Variants in TNXB observed in about 807,000 individuals in gnomAD.
TNXB encodes the protein tenascin-X.
TNXB carries 183 observed loss-of-function variants against 340.5 expected under a neutral mutation model. That is an observed-to-expected ratio of 0.54 (90% CI 0.48 to 0.61). The LOEUF is 0.61. Among genes scored for constraint, TNXB ranks in the 20% least tolerant of loss-of-function variants. TNXB has a pLI of 0.00. For synonymous variants in TNXB, 2,121 were observed against 2,314.5 expected (o/e 0.92, Z 2.40); for missense variants, 4,613 against 5,446.4 (o/e 0.85, Z 4.82).
At position 32,064,917 on chromosome 6, in the gene TNXB, T is replaced by G; in HGVS notation, c.6745A>C (p.Ile2249Leu). The G allele has an allele frequency of 4.3e-6, 7 of 1,612,840 alleles. No individual in the cohort carries two copies. The highest frequency in any genetic ancestry group is 5.9e-6 in the Non-Finnish European group (7 of 1,179,896). Residue 2249 changes from isoleucine (I) to leucine (L), a missense_variant, in exon 19 of 44, where the codon ATC becomes CTC. Ile to Leu is a conservative substitution (Grantham distance 5). Around this residue, in one of 7 missense-constraint regions of TNXB, gnomAD observed 4,327 missense variants for 4,859.4 expected, o/e 0.89. Transcript: ENST00000644971. This position sits in a 1 kb window ranked among gnomAD's most constrained non-coding sequence, Gnocchi z 5.3. Reference protein sequence around the residue: ...RVPGHEDGVTISGLEPDHKYK... With the variant: ...RVPGHEDGVTLSGLEPDHKYK... ...TTGTGGTCTGGCTCCAGGCCCGAGATGGTGACCCCATCCTCGTGTCCCGGC... is the reference window on the plus strand; with the variant it reads ...TTGTGGTCTGGCTCCAGGCCCGAGAGGGTGACCCCATCCTCGTGTCCCGGC...
intron 1 of TNXB, among the ~76,000 whole-genome samples, chr6:32,104,541 C>CT (rs917366576): frequency 2.0e-5 from 3 of 152,242 alleles, no homozygotes; most frequent in Non-Finnish European, 4.4e-5. Flanking sequence ...ATAAACATCT[C>CT]TTTAATTCAT....
Position 32,082,036 on chromosome 6 carries a change from C to T in TNXB, c.3736G>A (p.Ala1246Thr), listed in dbSNP as rs1303665712. Residue 1246 changes from alanine to threonine, a missense_variant and splice_region_variant, in exon 9 of 44, where the codon GCT becomes ACT. Ala to Thr is a moderately conservative substitution (Grantham distance 58, BLOSUM62 0). Transcript: ENST00000644971. The surrounding 1 kb of genome is among the most constrained non-coding windows in gnomAD (Gnocchi z 5.0). ...YGPLTADGTTAPERKEEPPRP... is the reference protein window; with the variant it reads ...YGPLTADGTTTPERKEEPPRP... ...GGGGGCTGAGGTGGCTGCTACTCAC[C>T]AGTGGTGCCATCGGCCGTGAGGGGG... is the stretch of plus-strand genomic sequence containing the variant. The T allele has an allele frequency of 6.2e-7, 1 of 1,601,018 alleles. No homozygotes were observed. The highest frequency in any genetic ancestry group is 8.5e-7 in the Non-Finnish European group (1 of 1,174,286).
Position 32,049,170 on chromosome 6 carries a change from A to T in TNXB, c.9757+100T>A. ...TTAGCAACATGGGAGAAAAGACAGA[A>T]ACCTAGAGGCCCAGTCAAAAGAGGT... On this transcript the variant is annotated intron_variant, in intron 28 of 43. Transcript: ENST00000644971. This position sits in a 1 kb window ranked among gnomAD's most constrained non-coding sequence, Gnocchi z 4.5. 37 of 1,428,116 alleles carry T rather than the reference A, an allele frequency of 2.6e-5. No homozygotes were observed. The highest frequency in any genetic ancestry group is 3.4e-5 in the Non-Finnish European group (37 of 1,082,454). The allele number at this position is 1,428,116 out of a possible 1,614,324, so 88.5% of individuals were successfully genotyped here. A position where few individuals can be genotyped will look rare whatever the true frequency, so the allele number is the denominator to read the frequency against.
At chr6:32,100,900 T>C (rs947894271) in intron 1 of TNXB, among the ~76,000 whole-genome samples, 2 of 150,724 alleles carry the variant, frequency 1.3e-5, no homozygotes, top group Non-Finnish European at 3.0e-5. Flanking sequence ...GCCAACATGG[T>C]GAAACCCCAT....
intron 18 of TNXB, among the ~76,000 whole-genome samples, chr6:32,066,299 T>C (rs1778333071): frequency 6.6e-6 from 1 of 151,996 alleles, no homozygotes; most frequent in Non-Finnish European, 1.5e-5. Flanking sequence ...GGGGCTGAGA[T>C]GGGAGGATGG....
In TNXB at chr6:32,051,265, C is replaced by G. The variant is rs1215630349; in HGVS notation, c.9116-944G>C. Among the ~76,000 whole-genome samples, 3 of 152,180 alleles carry G rather than the reference C, an allele frequency of 2.0e-5. No individual in the cohort carries two copies. The highest frequency in any genetic ancestry group is 4.4e-5 in the Non-Finnish European group (3 of 68,028). ...CTGGGCTTCTTGTCACATGCTCACC[C>G]GCCTTTGCTTTCTTACTGGTCCACA... On this transcript the variant is annotated intron_variant, in intron 26 of 43. Transcript: ENST00000644971. The surrounding 1 kb of genome is among the most constrained non-coding windows in gnomAD (Gnocchi z 4.7).
Position 32,062,579 on chromosome 6 carries a change from C to T in TNXB, c.6842-96G>A, listed in dbSNP as rs1778098655. ...CTTAGACACACCAAGGGCCCACAGT[C>T]TGGATGCTGGTGCCCCAAGCTTAGA... On this transcript the variant is annotated intron_variant, in intron 19 of 43. Transcript: ENST00000644971. The surrounding 1 kb of genome is among the most constrained non-coding windows in gnomAD (Gnocchi z 4.3). The T allele has an allele frequency of 8.5e-7, 1 of 1,171,426 alleles. No homozygotes were observed. The highest frequency in any genetic ancestry group is 1.2e-6 in the Non-Finnish European group (1 of 850,966). 72.6% of individuals were successfully genotyped at this position (1,171,426 alleles called of 1,614,324 possible).
In TNXB at chr6:32,046,246, T is replaced by G. The variant is rs756246872; in HGVS notation, c.10535A>C (p.Lys3512Thr). The change falls in exon 31 of 44, where the codon AAA (lysine) becomes ACA (threonine). Residue 3512 changes from lysine to threonine, a missense_variant. Coordinates refer to ENST00000644971, the MANE Select transcript of TNXB (RefSeq NM_001365276.2). This position sits in a 1 kb window ranked among gnomAD's most constrained non-coding sequence, Gnocchi z 6.9. Reference protein sequence around the residue: ...VTVEDLEPGKKYKFLLYGLLG... With the variant: ...VTVEDLEPGKTYKFLLYGLLG... ...GAGCCCGTAGAGCAGAAACTTGTAT[T>G]TCTTGCCAGGCTCCAGGTCCTCTAC... 6 of 1,605,256 alleles carry G rather than the reference T, an allele frequency of 3.7e-6. No individual in the cohort carries two copies. The highest frequency in any genetic ancestry group is 1.3e-5 in the African/African-American group (1 of 75,032).
At chr6:32,063,194 C>G (rs1040196803) in intron 19 of TNXB, among the ~76,000 whole-genome samples, 3 of 152,150 alleles carry the variant, frequency 2.0e-5, no homozygotes, top group African/African-American at 7.2e-5. Context: ...TTGAGACCAG[C>G]CTGGCCAACA....
In TNXB at chr6:32,070,408, C is replaced by T. The variant is rs560985106; in HGVS notation, c.4997G>A (p.Arg1666Gln). The T allele has an allele frequency of 1.9e-5, 30 of 1,587,638 alleles. 1 individual carries two copies. The Admixed American group carries it at 2.6e-4, about 14-fold the overall frequency. ...TGGGGCCCCTGGGCTGGCGTCACCTCGGGCAACTGGAGAGGAAAGGTTCTT... is the reference window on the plus strand; with the variant it reads ...TGGGGCCCCTGGGCTGGCGTCACCTTGGGCAACTGGAGAGGAAAGGTTCTT... ...PVSVEAKTVA[R>Q]GDASPGAPPR... Residue 1666 changes from arginine (R) to glutamine (Q), a missense_variant, in exon 14 of 44, where the codon CGA becomes CAA. Transcript: ENST00000644971. The surrounding 1 kb of genome is among the most constrained non-coding windows in gnomAD (Gnocchi z 6.0).
intron 21 of TNXB, among the ~76,000 whole-genome samples, chr6:32,060,696 A>G (rs1777954005): frequency 6.6e-6 from 1 of 151,868 alleles, no homozygotes; most frequent in African/African-American, 2.4e-5. Context: ...GCTGGAGTGC[A>G]GTGGTGATCT....
chr6:32,057,789 G>C (rs1562806962), intron 22 of TNXB, among the ~76,000 whole-genome samples: 1 of 152,168 alleles, frequency 6.6e-6, no homozygotes, highest in Non-Finnish European at 1.5e-5. Context: ...CTCAGGTCCT[G>C]GCTGTCCCCT....
At position 32,068,366 on chromosome 6, in the gene TNXB, C is replaced by G; in HGVS notation, c.6220+24G>C. ...GGGTGACCCTCCCATGGCTCCCACCCTGGGGCTCCCATCATCCACTCACCT... is the reference window on the plus strand; with the variant it reads ...GGGTGACCCTCCCATGGCTCCCACCGTGGGGCTCCCATCATCCACTCACCT... On this transcript the variant is annotated intron_variant, in intron 17 of 43. Coordinates refer to ENST00000644971, the MANE Select transcript of TNXB (RefSeq NM_001365276.2). The surrounding 1 kb of genome is among the most constrained non-coding windows in gnomAD (Gnocchi z 5.3). The G allele has an allele frequency of 6.2e-7, 1 of 1,610,332 alleles. No individual in the cohort carries two copies.
chr6:32,065,530 C>A (rs1055623828), intron 18 of TNXB, among the ~76,000 whole-genome samples: 2 of 152,198 alleles, frequency 1.3e-5, no homozygotes, highest in African/African-American at 2.4e-5. Flanking sequence ...ATGAGACACT[C>A]GGGAGACTGT....
intron 24 of TNXB, among the ~76,000 whole-genome samples, chr6:32,054,437 CAACT>C (rs1171428844): frequency 1.1e-4 from 17 of 152,216 alleles, no homozygotes; most frequent in Admixed American, 3.3e-4. Context: ...GATGATCCAC[CAACT>C]GCAAAGGACA....
Position 32,096,199 on chromosome 6 carries a change from C to A in TNXB, c.1654G>T (p.Glu552Ter). ...VCVCDAGYSG[E>*]DCSTRSCPGG... ...GGGCAGCTGCGCGTGCTGCAGTCTT[C>A]CCCTGAGTAGCCTGCGTCACACACG... The change falls in exon 3 of 44, where the codon GAA becomes TAA. Residue 552 changes from glutamate (E) to a stop codon, truncating the protein, a stop_gained. Transcript: ENST00000644971. LOFTEE classifies it high-confidence loss of function. 6.4e-7 allele frequency: 1 copy of A among 1,568,152 alleles called. No individual in the cohort carries two copies. Among genetic ancestry groups the A allele is most frequent in the Non-Finnish European group, 8.6e-7 (1 of 1,159,602 alleles).
intron 32 of TNXB, 77 bp from the exon 33 acceptor site, chr6:32,044,793 AC>A: frequency 1.0e-5 from 6 of 583,024 alleles, no homozygotes; most frequent in Non-Finnish European, 6.0e-6. Flanking sequence ...CGTCCCTTCC[AC>A]CCCCCTCCCT....
chr6:32,058,133 G>A lies in TNXB; in HGVS notation c.7750C>T (p.Arg2584Cys), dbSNP rs201690494. ...CCGTACAGGTGCATCTTGTACTTGC[G>A]CCCAGGCTCCAGGCCCCTCACAGTG... The part of the protein sequence containing the change: ...KVTVRGLEPG[R>C]KYKMHLYGLH... Residue 2584 changes from arginine (R) to cysteine (C), a missense_variant, in exon 22 of 44, where the codon CGC becomes TGC. By Grantham distance (180) the Arg-to-Cys change is radical (BLOSUM62 -3). This residue lies in a region of TNXB where 4,327 missense variants were observed against 4,859.4 expected (regional missense o/e 0.89). Transcript: ENST00000644971. This position sits in a 1 kb window ranked among gnomAD's most constrained non-coding sequence, Gnocchi z 5.1. 8.2e-4 allele frequency: 1,322 copies of A among 1,612,668 alleles called. 1 individual carries two copies. The highest frequency in any genetic ancestry group is 9.5e-4 in the Admixed American group (57 of 60,012).
In TNXB at chr6:32,081,461, G is replaced by T. The variant is rs778225501; in HGVS notation, c.3949C>A (p.Pro1317Thr). ...VAGDENEVTV[P>T]GLDPDRKYKM... The stretch of plus-strand genomic sequence containing the variant: ...TACTTCCGGTCGGGATCCAGGCCGG[G>T]GACAGTAACCTCATTCTCATCCCCC... Residue 1317 changes from proline to threonine, a missense_variant, in exon 10 of 44, where the codon CCC (proline) becomes ACC (threonine). Physicochemically the swap from Pro to Thr is conservative, Grantham distance 38 (BLOSUM62 -1). Coordinates refer to ENST00000644971, the MANE Select transcript of TNXB (RefSeq NM_001365276.2). The surrounding 1 kb of genome is among the most constrained non-coding windows in gnomAD (Gnocchi z 5.1). 2.8e-5 allele frequency: 45 copies of T among 1,594,702 alleles called. No homozygotes were observed. Among genetic ancestry groups the T allele is most frequent in the Non-Finnish European group, 3.6e-5 (42 of 1,170,606 alleles).
Sources: allele counts gnomAD v4.1 joint callset (sites outside exome capture counted in the v4.1 genomes callset), GRCh38; gene constraint gnomAD v4.1.1; regional missense constraint gnomAD v4.1.1; non-coding constraint Gnocchi (gnomAD v3.1); transcripts MANE v1.5; gene names NCBI Gene and HGNC (gene_info 2026-07-23, HGNC 2026-07-21).